The following NUP62CL variants were observed in gnomAD, a reference collection of about 807,000 sequenced individuals.
NUP62CL encodes nucleoporin-62 C-terminal-like protein.
NUP62CL carries 13 observed loss-of-function variants against 15.3 expected under a neutral mutation model. The observed-to-expected ratio is 0.85, with a 90% confidence interval of 0.55 to 1.35. NUP62CL has a LOEUF of 1.35. NUP62CL is among the 40% of genes most tolerant of loss of function. The pLI, the probability that NUP62CL is intolerant of heterozygous loss-of-function variation, is 0.00. For missense variants in NUP62CL, 123 were observed against 130.6 expected, an observed-to-expected ratio of 0.94 and a Z score of 0.28; for synonymous variants, 54 against 49.2, an observed-to-expected ratio of 1.10 and a Z score of -0.41.
intron 2 of NUP62CL, among the ~76,000 whole-genome samples, chrX:107,178,245 T>C (rs369504133): frequency 8.9e-6 from 1 of 111,787 alleles, no homozygotes; most frequent in African/African-American, 3.2e-5. Context: ...ATGATGAAAA[T>C]ATTCTAATAC....
chrX:107,197,363 T>C (rs957330394), intron 1 of NUP62CL, among the ~76,000 whole-genome samples: 1 of 111,128 alleles, frequency 9.0e-6, no homozygotes, highest in Non-Finnish European at 1.9e-5. Flanking sequence ...AGCTTCCCTA[T>C]GCATATCATT....
chrX:107,201,548 A>G (rs1232375504), intron 1 of NUP62CL, among the ~76,000 whole-genome samples: 3 of 110,511 alleles, frequency 2.7e-5, no homozygotes, highest in African/African-American at 9.9e-5. Flanking sequence ...AAAGTGATTT[A>G]GTCATATATT....
rs776687371 is a variant in NUP62CL at position 107,189,433 on chromosome X, T to TA, written c.-48+3595dup. On this transcript the variant is annotated intron_variant, in intron 2 of 8. Coordinates refer to ENST00000372466, the MANE Select transcript of NUP62CL (RefSeq NM_017681.3). ...AATATCCATTCATAGATAATAGTTT[T>TA]AAAAAAACTGTAATACATCCATACA... 2.1e-4 allele frequency among the ~76,000 whole-genome samples: 23 copies of TA among 110,517 alleles called. 1 individual carries two copies. The East Asian group carries it at 5.4e-3, about 26-fold the overall frequency.
intron 8 of NUP62CL, among the ~76,000 whole-genome samples, chrX:107,131,041 A>G (rs963470402): frequency 8.9e-6 from 1 of 111,821 alleles, no homozygotes; most frequent in African/African-American, 3.2e-5. Context: ...GTAACACTAC[A>G]TGATGTTTAA....
intron 8 of NUP62CL, among the ~76,000 whole-genome samples, chrX:107,141,128 T>C (rs1925757572): frequency 8.9e-6 from 1 of 112,204 alleles, no homozygotes; most frequent in African/African-American, 3.2e-5. Flanking sequence ...ATGTATTGAG[T>C]GTATTTCAAA....
chrX:107,189,128 A>G (rs777478971), intron 2 of NUP62CL, among the ~76,000 whole-genome samples: 1 of 112,059 alleles, frequency 8.9e-6, no homozygotes, highest in Non-Finnish European at 1.9e-5. Flanking sequence ...CACTATCTAC[A>G]AAAATGGCTA....
chrX:107,183,622 C>T (rs1212834375), intron 2 of NUP62CL, among the ~76,000 whole-genome samples: 5 of 110,753 alleles, frequency 4.5e-5, no homozygotes, highest in Non-Finnish European at 9.4e-5. Flanking sequence ...GGCTGGCAAC[C>T]CAGAAATGCC....
intron 8 of NUP62CL, among the ~76,000 whole-genome samples, chrX:107,132,943 G>A (rs1925555591): frequency 8.9e-6 from 1 of 111,955 alleles, no homozygotes; most frequent in Non-Finnish European, 1.9e-5. Context: ...TGTGACAACG[G>A]GTCTTACCTG....
intron 1 of NUP62CL, among the ~76,000 whole-genome samples, chrX:107,195,723 T>C (rs749574603): frequency 8.9e-6 from 1 of 111,832 alleles, no homozygotes; most frequent in Non-Finnish European, 1.9e-5. Flanking sequence ...CAAATGGTGA[T>C]TTCAACTGTA....
chrX:107,197,049 G>T (rs1168627307), intron 1 of NUP62CL, among the ~76,000 whole-genome samples: 2 of 111,728 alleles, frequency 1.8e-5, no homozygotes, highest in Non-Finnish European at 3.8e-5. Context: ...CTCTTAGTGA[G>T]TTTAACTTAC....
At chrX:107,126,148 A>G (rs1395594252) in intron 8 of NUP62CL, among the ~76,000 whole-genome samples, 1 of 112,492 alleles carries the variant, frequency 8.9e-6, no homozygotes, top group African/African-American at 3.2e-5. Flanking sequence ...ATCAAAAAGA[A>G]TTATAATACT....
intron 8 of NUP62CL, among the ~76,000 whole-genome samples, chrX:107,147,262 G>T (rs1925902176): frequency 9.0e-6 from 1 of 111,102 alleles, no homozygotes; most frequent in Non-Finnish European, 1.9e-5. Context: ...TCCTTAAGAT[G>T]ACCTCCTAGA....
At chrX:107,124,396 C>T (rs1228669887) in intron 8 of NUP62CL, 64 bp from the exon 9 acceptor site, 6 of 329,125 alleles carry the variant, frequency 1.8e-5, no homozygotes, top group Admixed American at 3.4e-5. Flanking sequence ...ACATAATTTA[C>T]GTATTCCTTT....
intron 8 of NUP62CL, among the ~76,000 whole-genome samples, chrX:107,129,093 T>C (rs1347064600): frequency 1.8e-5 from 2 of 111,692 alleles, no homozygotes; most frequent in Non-Finnish European, 3.8e-5. Context: ...GCAGTAAAGA[T>C]ATTTTTAACA....
In NUP62CL at chrX:107,154,225, C is replaced by G. The variant is rs374837621; in HGVS notation, c.216G>C (p.Met72Ile). Residue 72 changes from methionine to isoleucine, a missense_variant, in exon 5 of 9, where the codon ATG becomes ATC. Transcript: ENST00000372466. Reference protein sequence around the residue: ...STVSVVATPVMTYGHLEGLIN... With the variant: ...STVSVVATPVITYGHLEGLIN... Reference sequence around the variant, plus strand: ...TAAGACCCTCCAGATGACCATATGTCATCACAGGAGTTGCTACTACACTAA... The same window carrying G: ...TAAGACCCTCCAGATGACCATATGTGATCACAGGAGTTGCTACTACACTAA... The G allele has an allele frequency of 1.8e-4, 212 of 1,198,736 alleles. No homozygotes were observed. The highest frequency in any genetic ancestry group is 2.3e-4 in the Non-Finnish European group (204 of 889,322).
rs12559126 is a variant in NUP62CL, at chrX:107,134,363, A to G, written c.*43-10031T>C. Reference sequence around the variant, plus strand: ...GCAATTTCCTATAGTTTAACCTAGCACCAGTAAGTTAAAATATACCTCATG... The same window carrying G: ...GCAATTTCCTATAGTTTAACCTAGCGCCAGTAAGTTAAAATATACCTCATG... On this transcript the variant is annotated intron_variant, in intron 8 of 8. Coordinates refer to ENST00000372466, the MANE Select transcript of NUP62CL (RefSeq NM_017681.3). Among the ~76,000 whole-genome samples, 572 of 112,655 alleles carry G rather than the reference A, an allele frequency of 5.1e-3. 9 individuals carry two copies. The highest frequency in any genetic ancestry group is 0.044 in the Admixed American group (471 of 10,699).
At chrX:107,169,550 C>G (rs978458869) in intron 3 of NUP62CL, among the ~76,000 whole-genome samples, 2 of 111,821 alleles carry the variant, frequency 1.8e-5, no homozygotes, top group Non-Finnish European at 3.8e-5. Flanking sequence ...AAAATGTGCA[C>G]CACAGAGGAA....
In NUP62CL at chrX:107,154,172, T is replaced by C; in HGVS notation, c.269A>G (p.Asp90Gly). The C allele has an allele frequency of 8.3e-7, 1 of 1,204,266 alleles. No individual in the cohort carries two copies. Among genetic ancestry groups the C allele is most frequent in the East Asian group, 3.0e-5 (1 of 33,763 alleles). ...LINEWNLELE[D>G]QEKYFLLQAT... is the part of the protein sequence containing the mutation. Reference sequence around the variant, plus strand: ...CTGGAGAAGAAAGTACTTCTCTTGATCTTCCAGCTCAAGGTTCCACTCATT... The same window carrying C: ...CTGGAGAAGAAAGTACTTCTCTTGACCTTCCAGCTCAAGGTTCCACTCATT... Residue 90 changes from aspartate (D) to glycine (G), a missense_variant, in exon 5 of 9, where the codon GAT (aspartate) becomes GGT (glycine). Physicochemically the swap from Asp to Gly is moderately conservative, Grantham distance 94 (BLOSUM62 -1). Transcript: ENST00000372466.
chrX:107,128,553 T>A (rs1448925180), intron 8 of NUP62CL, among the ~76,000 whole-genome samples: 2 of 111,812 alleles, frequency 1.8e-5, no homozygotes, highest in Non-Finnish European at 3.8e-5. Context: ...TGTAGACAAA[T>A]AACTGCAATA....
Sources: gnomAD v4.1 joint callset for allele counts (sites outside exome capture counted in the v4.1 genomes callset) on GRCh38, gnomAD v4.1.1 for gene constraint, MANE v1.5 for transcripts, NCBI Gene and HGNC (gene_info 2026-07-23, HGNC 2026-07-21) for gene names.